ARHGAP20: variants seen among roughly 807,000 people sequenced by gnomAD.
ARHGAP20 encodes the protein Rho GTPase activating protein 20.
In ARHGAP20, 34 loss-of-function variants were observed where a neutral mutation model predicts 73.7. The ratio of observed to expected loss-of-function variants is 0.46; its 90% CI spans 0.35 to 0.61. The LOEUF (loss-of-function observed/expected upper bound fraction) is 0.61, where lower values mean the gene tolerates loss of function less well. Among genes scored for constraint, ARHGAP20 ranks in the 20% least tolerant of loss-of-function variants. The pLI, the probability that ARHGAP20 is intolerant of heterozygous loss-of-function variation, is 0.00. For synonymous variants in ARHGAP20, 523 were observed against 518.2 expected (o/e 1.01, Z -0.13); for missense variants, 1,314 against 1,420.9 (o/e 0.92, Z 1.21).
intron 9 of ARHGAP20, among the ~76,000 whole-genome samples, chr11:110,605,661 T>G (rs1256834199): frequency 6.6e-6 from 1 of 152,238 alleles, no homozygotes; most frequent in Non-Finnish European, 1.5e-5. Flanking sequence ...GCTATGTCAG[T>G]TGAATCACAC....
intron 2 of ARHGAP20, among the ~76,000 whole-genome samples, chr11:110,648,174 T>A (rs1307361431): frequency 3.7e-5 from 2 of 53,772 alleles, no homozygotes; most frequent in East Asian, 1.3e-3. Flanking sequence ...TATATGTAAA[T>A]ATATATATAT....
chr11:110,620,089 T>C (rs1412816581), intron 4 of ARHGAP20, among the ~76,000 whole-genome samples: 1 of 152,066 alleles, frequency 6.6e-6, no homozygotes, highest in Non-Finnish European at 1.5e-5. Flanking sequence ...TGGAGTGTAG[T>C]AGTGCAATCA....
intron 12 of ARHGAP20, among the ~76,000 whole-genome samples, chr11:110,584,927 GTGAATATATGTGTATA>G (rs1947589718): frequency 7.1e-6 from 1 of 141,492 alleles, no homozygotes; most frequent in Non-Finnish European, 1.5e-5. Flanking sequence ...GAATATATAT[GTGAATATATGTGTATA>G]TGAATATATG....
intron 2 of ARHGAP20, among the ~76,000 whole-genome samples, chr11:110,641,448 A>C (rs1219304989): frequency 2.0e-5 from 3 of 152,082 alleles, no homozygotes; most frequent in African/African-American, 7.2e-5. Context: ...GGAAAGGAAC[A>C]AGATTTTATG....
In ARHGAP20 at chr11:110,611,318, T is replaced by C; in HGVS notation, c.699A>G (p.Leu233=). 6.4e-7 allele frequency: 1 copy of C among 1,557,356 alleles called. No homozygotes were observed. The highest frequency in any genetic ancestry group is 1.2e-5 in the South Asian group (1 of 83,324). Residue 233 remains leucine, a synonymous_variant, in exon 7 of 15, where the codon CTA becomes CTG. Coordinates refer to ENST00000683387, the MANE Select transcript of ARHGAP20 (RefSeq NM_001384657.1). ...TAGCAGAATAACTTACAGTTATCCC[T>C]AGCATTGGTAATGACATGTTGATAA... is the stretch of plus-strand genomic sequence containing the variant. ...NEVINMSLPM[L]GITGSERDYQ...
chr11:110,660,066 A>AC (rs1490505291), intron 2 of ARHGAP20, among the ~76,000 whole-genome samples: 3 of 143,620 alleles, frequency 2.1e-5, no homozygotes, highest in African/African-American at 8.9e-5. Flanking sequence ...AAAAACAAAA[A>AC]AAAAAAAAAA....
intron 1 of ARHGAP20, among the ~76,000 whole-genome samples, chr11:110,698,244 C>A (rs1251278686): frequency 6.6e-6 from 1 of 151,744 alleles, no homozygotes; most frequent in African/African-American, 2.4e-5. Flanking sequence ...GGATGTTGAA[C>A]CATCATTGCA....
At chr11:110,623,209 C>T (rs1339882284) in intron 4 of ARHGAP20, among the ~76,000 whole-genome samples, 2 of 152,030 alleles carry the variant, frequency 1.3e-5, no homozygotes, top group South Asian at 4.1e-4. Context: ...AGATTAACAT[C>T]ATGGAAAATT....
chr11:110,705,963 C>T (rs1006826577), intron 1 of ARHGAP20, among the ~76,000 whole-genome samples: 3 of 152,064 alleles, frequency 2.0e-5, no homozygotes, highest in African/African-American at 7.2e-5. Context: ...TGTCAGACAC[C>T]AAGGCATAAA....
At chr11:110,611,454 T>C in intron 6 of ARHGAP20, 68 bp from the exon 7 acceptor site, 1 of 807,854 alleles carries the variant, frequency 1.2e-6, no homozygotes, top group Non-Finnish European at 1.9e-6. Context: ...CAAATAATCA[T>C]TGTCAAATGA....
chr11:110,711,925 G>A (rs1169531819), intron 1 of ARHGAP20: 3 of 1,255,420 alleles, frequency 2.4e-6, no homozygotes, highest in Admixed American at 8.4e-5. Flanking sequence ...CGGAGAAGCG[G>A]GCGCTCTGCG....
chr11:110,577,064 G>T lies in ARHGAP20; in HGVS notation c.*2306C>A. On this transcript the variant is annotated 3_prime_UTR_variant, in exon 15 of 15. Coordinates refer to ENST00000683387, the MANE Select transcript of ARHGAP20 (RefSeq NM_001384657.1). ...GTGGGATGGTTAATTCTGCAGAATG[G>T]CATTTTATTTAACAGACAGCATGGA... is the stretch of plus-strand genomic sequence containing the variant. 2 of 1,458,254 alleles carry T rather than the reference G, an allele frequency of 1.4e-6. No individual in the cohort carries two copies. Among genetic ancestry groups the T allele is most frequent in the East Asian group, 2.5e-5 (1 of 40,048 alleles). 90.3% of individuals were successfully genotyped at this position (1,458,254 alleles called of 1,614,324 possible).
intron 4 of ARHGAP20, among the ~76,000 whole-genome samples, chr11:110,623,244 G>C (rs1159393367): frequency 2.0e-5 from 3 of 152,120 alleles, no homozygotes; most frequent in African/African-American, 7.2e-5. Context: ...TTATGATGAT[G>C]TCCTAGGAGT....
rs1234116468 is a variant in ARHGAP20, at chr11:110,579,697, G to A, written c.3249C>T (p.Ala1083=). Reference sequence around the variant, plus strand: ...CTTTTTGTTCCTCTTGCAGTGAGTTGGCTTCTGGAACACCAGAAGCATGTG... The same window carrying A: ...CTTTTTGTTCCTCTTGCAGTGAGTTAGCTTCTGGAACACCAGAAGCATGTG... The part of the protein sequence containing the change: ...PPPHASGVPE[A]NSLQEEQKDL... The change falls in exon 15 of 15, where the codon GCC becomes GCT. Residue 1083 remains alanine (A), a synonymous_variant. Coordinates refer to ENST00000683387, the MANE Select transcript of ARHGAP20 (RefSeq NM_001384657.1). 1.7e-5 allele frequency: 27 copies of A among 1,614,020 alleles called. No homozygotes were observed. The highest frequency in any genetic ancestry group is 2.2e-5 in the Non-Finnish European group (26 of 1,180,024).
intron 8 of ARHGAP20, among the ~76,000 whole-genome samples, chr11:110,607,472 C>G (rs1948260562): frequency 1.3e-5 from 2 of 152,152 alleles, no homozygotes; most frequent in African/African-American, 4.8e-5. Flanking sequence ...CTTTAGTATT[C>G]TAAGTAATTA....
Position 110,580,683 on chromosome 11 carries a change from T to C in ARHGAP20, c.2263A>G (p.Thr755Ala). ...GTGACTAAACTCTGTTTAAAACATG[T>C]CTTTCCTTCCTCCTGGAGGGGTTGA... The part of the protein sequence containing the change: ...QNQPLQEEGK[T>A]CFKQSLVTGT... The change falls in exon 15 of 15, where the codon ACA becomes GCA. Residue 755 changes from threonine (T) to alanine (A), a missense_variant. Physicochemically the swap from Thr to Ala is moderately conservative, Grantham distance 58 (BLOSUM62 0). Coordinates refer to ENST00000683387, the MANE Select transcript of ARHGAP20 (RefSeq NM_001384657.1). The C allele has an allele frequency of 6.2e-7, 1 of 1,613,980 alleles. No homozygotes were observed. Among genetic ancestry groups the C allele is most frequent in the Non-Finnish European group, 8.5e-7 (1 of 1,179,880 alleles).
At chr11:110,591,569 T>G (rs1947829492) in intron 10 of ARHGAP20, among the ~76,000 whole-genome samples, 1 of 152,242 alleles carries the variant, frequency 6.6e-6, no homozygotes, top group Admixed American at 6.5e-5. Context: ...TGCCAGGGAA[T>G]GTATCTTTAT....
intron 9 of ARHGAP20, among the ~76,000 whole-genome samples, chr11:110,597,673 G>C (rs1222705620): frequency 1.3e-5 from 2 of 152,068 alleles, no homozygotes; most frequent in Non-Finnish European, 2.9e-5. Flanking sequence ...TAAGAACAAT[G>C]CTCTGTCAAA....
chr11:110,661,918 T>C (rs1949622044), intron 2 of ARHGAP20, among the ~76,000 whole-genome samples: 1 of 152,002 alleles, frequency 6.6e-6, no homozygotes, highest in Admixed American at 6.6e-5. Flanking sequence ...GTTTTTTCAC[T>C]GCAGGATCAT....
Sources: allele counts gnomAD v4.1 joint callset (sites outside exome capture counted in the v4.1 genomes callset), GRCh38; gene constraint gnomAD v4.1.1; transcripts MANE v1.5; gene names NCBI Gene and HGNC (gene_info 2026-07-23, HGNC 2026-07-21).